Variants in INVS observed in about 807,000 individuals in gnomAD.
INVS encodes inversin.
A neutral mutation model predicts 108.8 loss-of-function variants in INVS; 86 were observed. The ratio of observed to expected loss-of-function variants is 0.79; its 90% CI spans 0.66 to 0.95. INVS has a LOEUF of 0.95. Ranked by LOEUF, INVS falls within the 40% of genes least tolerant of loss-of-function variation. INVS has a pLI of 0.00. For missense variants in INVS, 1,169 were observed against 1,297.4 expected (o/e 0.90, Z 1.52); for synonymous variants, 455 against 473.5 (o/e 0.96, Z 0.51).
intron 2 of INVS, among the ~76,000 whole-genome samples, chr9:100,119,088 A>G (rs570810563): frequency 1.3e-5 from 2 of 152,300 alleles, no homozygotes; most frequent in South Asian, 2.1e-4. Context: ...CTATAAGTCT[A>G]TTTCTTTGCC....
chr9:100,242,129 G>A (rs1335543221), intron 6 of INVS, among the ~76,000 whole-genome samples: 8 of 152,182 alleles, frequency 5.3e-5, no homozygotes, highest in Non-Finnish European at 1.0e-4. Context: ...TTGTGTTATA[G>A]TTTGTCCACC....
chr9:100,175,762 ACCAGACCTGGAACAT>A lies in INVS; in HGVS notation c.273+49218_273+49232del, dbSNP rs1018358926. ...ACCTGTAGCAGTTCGGCCTGGGGCAACCAGACCTGGAACATCCAGTCCTAGAACAGCCATTCCTGA... is the reference window on the plus strand; with the variant it reads ...ACCTGTAGCAGTTCGGCCTGGGGCAACCAGTCCTAGAACAGCCATTCCTGA... On this transcript the variant is annotated intron_variant, in intron 3 of 16. Coordinates refer to ENST00000262457, the MANE Select transcript of INVS (RefSeq NM_014425.5). 7 of 633,182 alleles carry A rather than the reference ACCAGACCTGGAACAT, an allele frequency of 1.1e-5. No individual in the cohort carries two copies. The African/African-American group carries it at 1.3e-4, about 11-fold the overall frequency. The allele number at this position is 633,182 out of a possible 1,614,324, so 39.2% of individuals were successfully genotyped here.
intron 11 of INVS, among the ~76,000 whole-genome samples, chr9:100,268,190 C>A (rs948472618): frequency 1.3e-5 from 2 of 151,846 alleles, no homozygotes; most frequent in Admixed American, 6.6e-5. Flanking sequence ...AAGAGAGGAA[C>A]GTATCCACCC....
chr9:100,246,895 T>A (rs1171522553), intron 8 of INVS, 108 bp downstream of exon 8: 1 of 1,057,840 alleles, frequency 9.5e-7, no homozygotes, highest in African/African-American at 1.6e-5. Flanking sequence ...CCTAATCTAA[T>A]ATTGTTTGAC....
intron 3 of INVS, among the ~76,000 whole-genome samples, chr9:100,193,169 G>A (rs1023366702): frequency 2.0e-5 from 3 of 151,740 alleles, no homozygotes; most frequent in Non-Finnish European, 4.4e-5. Flanking sequence ...TTGTAGAGAT[G>A]GGGTGTCGCT....
At chr9:100,286,526 G>A (rs990170726) in intron 13 of INVS, among the ~76,000 whole-genome samples, 4 of 152,156 alleles carry the variant, frequency 2.6e-5, no homozygotes, top group African/African-American at 9.7e-5. Flanking sequence ...GGGTGACAGT[G>A]AGACTCTGTC....
intron 2 of INVS, among the ~76,000 whole-genome samples, chr9:100,119,650 C>T (rs920592373): frequency 3.3e-5 from 5 of 152,214 alleles, no homozygotes; most frequent in South Asian, 2.1e-4. Context: ...CTCTGCCTCC[C>T]GGGTTCACGC....
At chr9:100,249,236 C>G (rs983427712) in intron 8 of INVS, among the ~76,000 whole-genome samples, 10 of 152,088 alleles carry the variant, frequency 6.6e-5, no homozygotes, top group African/African-American at 2.4e-4. Flanking sequence ...ATTCCCTCAG[C>G]TAAGTATTTC....
intron 12 of INVS, among the ~76,000 whole-genome samples, chr9:100,278,719 T>C (rs1833185616): frequency 6.6e-6 from 1 of 152,230 alleles, no homozygotes; most frequent in Non-Finnish European, 1.5e-5. Flanking sequence ...TAGGTTTCTT[T>C]CAGTTCTTAT....
In INVS at chr9:100,282,364, A is replaced by G. The variant is rs546830198; in HGVS notation, c.1785-1956A>G. Among the ~76,000 whole-genome samples the G allele has an allele frequency of 2.6e-5, 4 of 152,222 alleles. 1 individual carries two copies. The East Asian group carries it at 7.7e-4, about 29-fold the overall frequency. ...AAAACCAGAGTCAAATAAAAACACT[A>G]GAGCTGTACAGGAGTTAGCACGACC... On this transcript the variant is annotated intron_variant, in intron 12 of 16. Coordinates refer to ENST00000262457, the MANE Select transcript of INVS (RefSeq NM_014425.5).
chr9:100,127,619 A>G (rs901926056), intron 3 of INVS, among the ~76,000 whole-genome samples: 1 of 152,178 alleles, frequency 6.6e-6, no homozygotes, highest in Non-Finnish European at 1.5e-5. Flanking sequence ...TGTGAACCAG[A>G]TATAGCTAAT....
At chr9:100,212,638 C>T (rs1830867737) in intron 3 of INVS, among the ~76,000 whole-genome samples, 1 of 152,018 alleles carries the variant, frequency 6.6e-6, no homozygotes. Context: ...GTTGGTAACA[C>T]CCTCTATCTG....
chr9:100,112,301 T>C (rs1351345141), intron 2 of INVS, among the ~76,000 whole-genome samples: 2 of 152,200 alleles, frequency 1.3e-5, no homozygotes, highest in Non-Finnish European at 1.5e-5. Flanking sequence ...TTTCCTCAAA[T>C]AGACAAATTT....
At chr9:100,178,050 G>A (rs1374631488) in intron 3 of INVS, among the ~76,000 whole-genome samples, 1 of 152,022 alleles carries the variant, frequency 6.6e-6, no homozygotes, top group African/African-American at 2.4e-5. Context: ...ACTATTAGAA[G>A]GAAAACTAAC....
At chr9:100,217,316 TAAAAG>T (rs1588095752) in intron 3 of INVS, among the ~76,000 whole-genome samples, 1 of 151,838 alleles carries the variant, frequency 6.6e-6, no homozygotes, top group African/African-American at 2.4e-5. Flanking sequence ...CTCAAAAAAA[TAAAAG>T]GAAGAAAGAA....
chr9:100,268,191 G>A (rs761438170), intron 11 of INVS, among the ~76,000 whole-genome samples: 1 of 152,070 alleles, frequency 6.6e-6, no homozygotes, highest in Non-Finnish European at 1.5e-5. Flanking sequence ...AGAGAGGAAC[G>A]TATCCACCCT....
Position 100,253,025 on chromosome 9 carries a change from C to T in INVS, c.1353C>T (p.Val451=), listed in dbSNP as rs1488900404. The change falls in exon 10 of 17, where the codon GTC becomes GTT. Residue 451 remains valine, a synonymous_variant. Coordinates refer to ENST00000262457, the MANE Select transcript of INVS (RefSeq NM_014425.5). ...TAGAAAATAAGATCAATCCAAATGT[C>T]CAGGATTATGCAGGAAGAACCCCTT... The part of the protein sequence containing the change: ...ILIENKINPN[V]QDYAGRTPLQ... The T allele has an allele frequency of 6.8e-6, 11 of 1,613,802 alleles. No homozygotes were observed. The highest frequency in any genetic ancestry group is 9.3e-6 in the Non-Finnish European group (11 of 1,179,780).
chr9:100,129,413 G>A (rs866080199), intron 3 of INVS, among the ~76,000 whole-genome samples: 14 of 151,938 alleles, frequency 9.2e-5, no homozygotes, highest in African/African-American at 2.9e-4. Context: ...TGGAAGGGTC[G>A]CTTGAGCCTG....
intron 10 of INVS, among the ~76,000 whole-genome samples, chr9:100,263,565 C>T (rs1832695967): frequency 6.6e-6 from 1 of 152,132 alleles, no homozygotes; most frequent in Non-Finnish European, 1.5e-5. Flanking sequence ...TATAAGGACC[C>T]TTGTGATTAG....
Sources: gnomAD v4.1 joint callset for allele counts (sites outside exome capture counted in the v4.1 genomes callset) on GRCh38, gnomAD v4.1.1 for gene constraint, MANE v1.5 for transcripts, NCBI Gene and HGNC (gene_info 2026-07-23, HGNC 2026-07-21) for gene names.